ARID5B: variants seen among roughly 807,000 people sequenced by gnomAD.
The protein encoded by ARID5B is AT-rich interaction domain 5B.
In ARID5B, 13 loss-of-function variants were observed where a neutral mutation model predicts 97.2. That is an observed-to-expected ratio of 0.13 (90% CI 0.09 to 0.21). The LOEUF is 0.21. Ranked by LOEUF, ARID5B falls within the 10% of genes least tolerant of loss-of-function variation. The probability of loss-of-function intolerance (pLI) is 1.00; values close to 1 mark genes in which losing one functional copy is unlikely to be tolerated. For synonymous variants in ARID5B, 556 were observed against 570.3 expected (o/e 0.97, Z 0.36); for missense variants, 1,210 against 1,465.3 (o/e 0.83, Z 2.84).
chr10:61,920,258 A>G (rs748882061), intron 2 of ARID5B, among the ~76,000 whole-genome samples: 1 of 151,964 alleles, frequency 6.6e-6, no homozygotes, highest in Non-Finnish European at 1.5e-5. Context: ...TTGTACTTAC[A>G]GTTAATACAG....
intron 9 of ARID5B, among the ~76,000 whole-genome samples, chr10:62,087,320 G>GAAAAAAAAAAAAAAAA (rs1589292422): frequency 2.6e-5 from 2 of 76,008 alleles, no homozygotes; most frequent in Admixed American, 2.7e-4. Context: ...AAAAAAAAAG[G>GAAAAAAAAAAAAAAAA]AAAAAAGATC....
At chr10:61,992,973 T>C (rs944631477) in intron 3 of ARID5B, among the ~76,000 whole-genome samples, 2 of 152,202 alleles carry the variant, frequency 1.3e-5, no homozygotes, top group African/African-American at 2.4e-5. Context: ...TTTTATGAAA[T>C]AGTTTGTGGC....
intron 2 of ARID5B, among the ~76,000 whole-genome samples, chr10:61,913,230 G>A (rs1843840005): frequency 6.6e-6 from 1 of 152,208 alleles, no homozygotes; most frequent in Non-Finnish European, 1.5e-5. Context: ...CATTGGTAAA[G>A]CTGGTCTCTC....
chr10:61,965,518 T>C (rs1339016248), intron 3 of ARID5B, among the ~76,000 whole-genome samples: 1 of 152,280 alleles, frequency 6.6e-6, no homozygotes, highest in East Asian at 1.9e-4. Context: ...CTCTGTCATG[T>C]AGATGAGTTA....
rs1387167632 is a variant in ARID5B, at chr10:62,000,179, G to A, written c.591G>A (p.Lys197=). ...YRSMLKRIQD[K]PSSILTDQFA... ...CGATGCTGAAACGCATCCAGGATAA[G>A]CCATCTTCCATTCTAACGGACCAGT... is the stretch of plus-strand genomic sequence containing the variant. The change falls in exon 4 of 10, where the codon AAG becomes AAA. Residue 197 remains lysine, a synonymous_variant. Coordinates refer to ENST00000279873, the MANE Select transcript of ARID5B (RefSeq NM_032199.3). The surrounding 1 kb of genome is among the most constrained non-coding windows in gnomAD (Gnocchi z 4.4). 3 of 1,614,078 alleles carry A rather than the reference G, an allele frequency of 1.9e-6. No individual in the cohort carries two copies. Among genetic ancestry groups the A allele is most frequent in the Non-Finnish European group, 2.5e-6 (3 of 1,179,952 alleles).
chr10:61,921,699 C>T (rs562361624), intron 2 of ARID5B, among the ~76,000 whole-genome samples: 1 of 152,320 alleles, frequency 6.6e-6, no homozygotes, highest in South Asian at 2.1e-4. Flanking sequence ...TGCATATAAT[C>T]TCAGGGGACC....
intron 3 of ARID5B, among the ~76,000 whole-genome samples, chr10:61,964,000 A>G (rs1450913469): frequency 2.0e-5 from 3 of 152,178 alleles, no homozygotes; most frequent in Admixed American, 6.5e-5. Flanking sequence ...GTGGTCCTCA[A>G]ATCCCTTTTA....
chr10:62,060,020 A>T (rs747826097), intron 7 of ARID5B, among the ~76,000 whole-genome samples: 5 of 152,212 alleles, frequency 3.3e-5, no homozygotes, highest in Admixed American at 2.0e-4. Flanking sequence ...CAATTGACAT[A>T]GGAAGATGTT....
intron 9 of ARID5B, among the ~76,000 whole-genome samples, chr10:62,089,490 TCTTCCTTCCTTC>T (rs562636516): frequency 2.0e-5 from 3 of 149,900 alleles, no homozygotes; most frequent in African/African-American, 7.3e-5. Context: ...TTCCTTCCTT[TCTTCCTTCCTTC>T]CTTCCCTCCC....
chr10:61,965,392 C>T (rs775568575), intron 3 of ARID5B, among the ~76,000 whole-genome samples: 5 of 151,932 alleles, frequency 3.3e-5, no homozygotes, highest in Non-Finnish European at 5.9e-5. Context: ...AGAGGAGGAA[C>T]GGTTATTTTT....
intron 3 of ARID5B, among the ~76,000 whole-genome samples, chr10:61,957,321 T>C (rs1838405083): frequency 6.6e-6 from 1 of 152,200 alleles, no homozygotes; most frequent in South Asian, 2.1e-4. Context: ...CAGGCTGGAG[T>C]GCAGTGGTGC....
At chr10:62,061,216 C>G (rs1839917366) in intron 7 of ARID5B, among the ~76,000 whole-genome samples, 1 of 152,154 alleles carries the variant, frequency 6.6e-6, no homozygotes, top group South Asian at 2.1e-4. Context: ...GGTCAGTGCC[C>G]TACACAGGTA....
chr10:61,946,020 T>C (rs1207014376), intron 3 of ARID5B, among the ~76,000 whole-genome samples: 1 of 148,266 alleles, frequency 6.7e-6, no homozygotes, highest in Non-Finnish European at 1.5e-5. Context: ...TTATTTCAAA[T>C]AATAAATGTA....
At chr10:61,905,297 C>G (rs761263657) in intron 2 of ARID5B, among the ~76,000 whole-genome samples, 1 of 152,188 alleles carries the variant, frequency 6.6e-6, no homozygotes, top group Non-Finnish European at 1.5e-5. Flanking sequence ...ACAGCCAGGA[C>G]TCAGTATGCT....
chr10:61,953,055 TAAG>T (rs1194990568), intron 3 of ARID5B, among the ~76,000 whole-genome samples: 1 of 152,158 alleles, frequency 6.6e-6, no homozygotes, highest in African/African-American at 2.4e-5. Context: ...GACAGGTTAT[TAAG>T]AAGATGATTG....
chr10:62,057,394 C>G, intron 6 of ARID5B, 76 bp downstream of exon 6: 1 of 1,422,090 alleles, frequency 7.0e-7, no homozygotes, highest in East Asian at 2.3e-5. Flanking sequence ...AATTTTGACT[C>G]AGGATTATGT....
rs1195313458 is a variant in ARID5B at position 62,009,891 on chromosome 10, A to G, written c.733+9570A>G. Among the ~76,000 whole-genome samples, 3 of 152,210 alleles carry G rather than the reference A, an allele frequency of 2.0e-5. No individual in the cohort carries two copies. In the East Asian group the frequency reaches 5.8e-4, roughly 29 times the overall value. On this transcript the variant is annotated intron_variant, in intron 4 of 9. Coordinates refer to ENST00000279873, the MANE Select transcript of ARID5B (RefSeq NM_032199.3). ...TTCAACTGGACCTTGAAGGACACAA[A>G]AAGGAGGAAGTTATTTCAGGTGAGG...
At chr10:62,087,251 AT>A (rs11351312) in intron 9 of ARID5B, among the ~76,000 whole-genome samples, 110,321 of 136,868 alleles carry the variant, frequency 0.81, 44,846 homozygotes, top group Middle Eastern at 0.93. Flanking sequence ...GTGAGCCGAG[AT>A]CAGGCCACTG....
intron 4 of ARID5B, among the ~76,000 whole-genome samples, chr10:62,038,501 T>C (rs1047918068): frequency 6.6e-6 from 1 of 152,240 alleles, no homozygotes; most frequent in Non-Finnish European, 1.5e-5. Context: ...AAAGGAGCTT[T>C]TAAAATGTGA....
Sources: allele counts gnomAD v4.1 joint callset (sites outside exome capture counted in the v4.1 genomes callset), GRCh38; gene constraint gnomAD v4.1.1; non-coding constraint Gnocchi (gnomAD v3.1); transcripts MANE v1.5; gene names NCBI Gene and HGNC (gene_info 2026-07-23, HGNC 2026-07-21).